PCDHGA9: variants seen among roughly 807,000 people sequenced by gnomAD.
The protein encoded by PCDHGA9 is protocadherin gamma subfamily A, 9.
PCDHGA9 carries 37 observed loss-of-function variants against 62.5 expected under a neutral mutation model. The observed-to-expected ratio is 0.59, with a 90% CI of 0.46 to 0.78. The LOEUF (loss-of-function observed/expected upper bound fraction) is 0.78, where lower values mean the gene tolerates loss of function less well. PCDHGA9 is among the 30% of genes least tolerant of loss of function. The pLI, the probability that PCDHGA9 is intolerant of heterozygous loss-of-function variation, is 0.00. For missense variants in PCDHGA9, 1,138 were observed against 1,166.2 expected, an observed-to-expected ratio of 0.98 and a Z score of 0.35; for synonymous variants, 459 against 484.6, an observed-to-expected ratio of 0.95 and a Z score of 0.69.
chr5:141,491,850 T>C lies in PCDHGA9; in HGVS notation c.2425-2957T>C. ...CCCGATTCTCGGGATCATTGGACCG[T>C]TTGCGCGAAACCAGAGTGGCCGATT... On this transcript the variant is annotated intron_variant, in intron 1 of 3. Transcript: ENST00000573521. The surrounding 1 kb of genome is among the most constrained non-coding windows in gnomAD (Gnocchi z 6.9). 6.8e-7 allele frequency: 1 copy of C among 1,460,996 alleles called. No homozygotes were observed. The highest frequency in any genetic ancestry group is 2.5e-5 in the East Asian group (1 of 40,084). The allele number at this position is 1,460,996 out of a possible 1,614,324, so 90.5% of individuals were successfully genotyped here.
intron 2 of PCDHGA9, among the ~76,000 whole-genome samples, chr5:141,502,759 C>T (rs535899844): frequency 9.9e-5 from 15 of 152,130 alleles, no homozygotes; most frequent in African/African-American, 3.6e-4. Context: ...CATGTATTTG[C>T]TGGTATTCTT....
chr5:141,433,204 C>T, intron 1 of PCDHGA9: 6 of 1,566,938 alleles, frequency 3.8e-6, no homozygotes, highest in Admixed American at 2.0e-5. Flanking sequence ...ATCAAATCTT[C>T]TTTCTTTTTT....
chr5:141,463,364 T>C (rs1166107031), intron 1 of PCDHGA9, among the ~76,000 whole-genome samples: 2 of 150,250 alleles, frequency 1.3e-5, no homozygotes, highest in Admixed American at 6.6e-5. Context: ...TCCCCTTTCC[T>C]GCCCCACAGT....
At chr5:141,505,300 G>A in intron 2 of PCDHGA9, 93 bp from the exon 3 acceptor site, 1 of 1,589,042 alleles carries the variant, frequency 6.3e-7, no homozygotes, top group South Asian at 1.1e-5. Flanking sequence ...GGTAGGGTTA[G>A]GGTACTAGGT....
chr5:141,509,056 G>C (rs1303823294), intron 3 of PCDHGA9, among the ~76,000 whole-genome samples: 1 of 152,178 alleles, frequency 6.6e-6, no homozygotes, highest in Non-Finnish European at 1.5e-5. Flanking sequence ...CCCCCAGAAA[G>C]CTCTCAGCTC....
At chr5:141,465,323 G>A (rs757662972) in intron 1 of PCDHGA9, among the ~76,000 whole-genome samples, 1 of 152,138 alleles carries the variant, frequency 6.6e-6, no homozygotes, top group Non-Finnish European at 1.5e-5. Flanking sequence ...TGTCAATGCA[G>A]TATTTTTTAT....
Position 141,434,451 on chromosome 5 carries a change from A to T in PCDHGA9, c.2424+29075A>T, listed in dbSNP as rs145324240. 3.9e-3 allele frequency among the ~76,000 whole-genome samples: 589 copies of T among 152,326 alleles called. 6 individuals carry two copies. The highest frequency in any genetic ancestry group is 0.011 in the Admixed American group (170 of 15,298). ...GGCCGTAATGCCCATGCTGGAAGGTAGTGGGTTTACCGGAATGAGGGCAAG... is the reference window on the plus strand; with the variant it reads ...GGCCGTAATGCCCATGCTGGAAGGTTGTGGGTTTACCGGAATGAGGGCAAG... On this transcript the variant is annotated intron_variant, in intron 1 of 3. Transcript: ENST00000573521.
intron 1 of PCDHGA9, chr5:141,410,366 G>T: frequency 6.2e-7 from 1 of 1,613,774 alleles, no homozygotes; most frequent in Non-Finnish European, 8.5e-7. Flanking sequence ...TCTCAGCCCT[G>T]CTACTTGGGA....
chr5:141,450,846 A>C (rs2098698903), intron 1 of PCDHGA9, among the ~76,000 whole-genome samples: 1 of 115,730 alleles, frequency 8.6e-6, no homozygotes. Context: ...TTTTTTTGAG[A>C]TGGGGTCTTG....
chr5:141,409,781 G>A lies in PCDHGA9; in HGVS notation c.2424+4405G>A, dbSNP rs753415525. On this transcript the variant is annotated intron_variant, in intron 1 of 3. Transcript: ENST00000573521. ...CGCCTTTGATCACGAGCAGCTGCGC[G>A]CCTTCGCGCTCACGCTGCAGGCCCG... is the stretch of plus-strand genomic sequence containing the variant. The A allele has an allele frequency of 8.7e-6, 14 of 1,612,178 alleles. No individual in the cohort carries two copies. The highest frequency in any genetic ancestry group is 6.7e-5 in the Admixed American group (4 of 59,882).
intron 1 of PCDHGA9, among the ~76,000 whole-genome samples, chr5:141,450,814 A>ATT (rs755856825): frequency 0.033 from 4,450 of 136,778 alleles, 81 homozygotes; most frequent in Middle Eastern, 0.081. Context: ...TTATTTATTT[A>ATT]ATATTATTAT....
At chr5:141,442,689 G>A (rs966261716) in intron 1 of PCDHGA9, among the ~76,000 whole-genome samples, 1 of 152,238 alleles carries the variant, frequency 6.6e-6, no homozygotes, top group South Asian at 2.1e-4. Context: ...CAGTAGTCAG[G>A]CAGACAAGAG....
chr5:141,415,411 G>A (rs754595054), intron 1 of PCDHGA9: 45 of 1,614,112 alleles, frequency 2.8e-5, no homozygotes, highest in Non-Finnish European at 3.6e-5. Context: ...GCACTTTGTG[G>A]GCGTGGACGG....
intron 1 of PCDHGA9, among the ~76,000 whole-genome samples, chr5:141,438,976 C>T (rs2098079529): frequency 6.6e-6 from 1 of 151,928 alleles, no homozygotes; most frequent in Non-Finnish European, 1.5e-5. Context: ...AACTGTCTGA[C>T]TTATCTTAAA....
rs144585584 is a variant in PCDHGA9 at position 141,478,339 on chromosome 5, C to T, written c.2425-16468C>T. 998 of 1,613,918 alleles carry T rather than the reference C, an allele frequency of 6.2e-4. 16 individuals carry two copies. In the East Asian group the frequency reaches 0.019, roughly 31 times the overall value. Reference sequence around the variant, plus strand: ...CACTGTACCGAACACCAGGGCCCTCCTTGCACGCGGACGCCGTGCGGGGAG... The same window carrying T: ...CACTGTACCGAACACCAGGGCCCTCTTTGCACGCGGACGCCGTGCGGGGAG... On this transcript the variant is annotated intron_variant, in intron 1 of 3. Transcript: ENST00000573521.
chr5:141,487,499 G>A lies in PCDHGA9; in HGVS notation c.2425-7308G>A, dbSNP rs2099647158. On this transcript the variant is annotated intron_variant, in intron 1 of 3. Transcript: ENST00000573521. This position sits in a 1 kb window ranked among gnomAD's most constrained non-coding sequence, Gnocchi z 5.0. ...CCACTCTCATGGCTGTACACCCTTGGCTTCTGCACCCACTCGGAGTGATAG... is the reference window on the plus strand; with the variant it reads ...CCACTCTCATGGCTGTACACCCTTGACTTCTGCACCCACTCGGAGTGATAG... The A allele has an allele frequency of 3.1e-6, 5 of 1,614,152 alleles. No homozygotes were observed. The highest frequency in any genetic ancestry group is 2.2e-5 in the East Asian group (1 of 44,852).
intron 1 of PCDHGA9, chr5:141,419,197 T>C (rs560134083): frequency 1.2e-6 from 2 of 1,613,966 alleles, no homozygotes; most frequent in South Asian, 1.1e-5. Flanking sequence ...CTGACGTCAA[T>C]GACAACGCGC....
In PCDHGA9 at chr5:141,403,181, C is replaced by G. The variant is rs1182793881; in HGVS notation, c.229C>G (p.Leu77Val). 1.2e-6 allele frequency: 2 copies of G among 1,614,006 alleles called. No homozygotes were observed. The highest frequency in any genetic ancestry group is 1.7e-6 in the Non-Finnish European group (2 of 1,179,916). ...VSRGRTQLFSLNPRSGTLVTA... is the reference protein window; with the variant it reads ...VSRGRTQLFSVNPRSGTLVTA... Reference sequence around the variant, plus strand: ...TAGAGGTAGGACGCAGCTTTTCTCTCTGAACCCGCGCAGCGGCACCTTGGT... The same window carrying G: ...TAGAGGTAGGACGCAGCTTTTCTCTGTGAACCCGCGCAGCGGCACCTTGGT... Residue 77 changes from leucine to valine, a missense_variant, in exon 1 of 4, where the codon CTG becomes GTG. By Grantham distance (32) the Leu-to-Val change is conservative (BLOSUM62 1). Transcript: ENST00000573521.
At chr5:141,415,314 C>A (rs375384840) in intron 1 of PCDHGA9, 1 of 1,614,238 alleles carries the variant, frequency 6.2e-7, no homozygotes, top group Non-Finnish European at 8.5e-7. Context: ...CCTTCGTCAT[C>A]GTGCTGCTGG....
Sources: allele counts gnomAD v4.1 joint callset (sites outside exome capture counted in the v4.1 genomes callset), GRCh38; gene constraint gnomAD v4.1.1; non-coding constraint Gnocchi (gnomAD v3.1); transcripts MANE v1.5; gene names NCBI Gene and HGNC (gene_info 2026-07-23, HGNC 2026-07-21).